CLVS1: variants seen among roughly 807,000 people sequenced by gnomAD.
CLVS1 encodes the protein clavesin-1.
In CLVS1, 10 loss-of-function variants were observed where a neutral mutation model predicts 33.1. That is an observed-to-expected ratio of 0.30 (90% CI 0.19 to 0.51). The LOEUF (loss-of-function observed/expected upper bound fraction) is 0.51, where lower values mean the gene tolerates loss of function less well. Ranked by LOEUF, CLVS1 falls within the 20% of genes least tolerant of loss-of-function variation. CLVS1 has a pLI of 0.97. For synonymous variants in CLVS1, 163 were observed against 166.1 expected, an observed-to-expected ratio of 0.98 and a Z score of 0.14; for missense variants, 343 against 433.4, an observed-to-expected ratio of 0.79 and a Z score of 1.85.
At position 61,232,023 on chromosome 8, in the gene CLVS1, G is replaced by GTTTGTTTGTTTGTTTGTTTGTTTT; in HGVS notation, c.-151-67651_-151-67650insGTTTGTTTGTTTGTTTGTTTTTTT. Reference sequence around the variant, plus strand: ...AGAAGGAGCCCTGAGGAAAGTTGTGGTTTTTTTTTTTTTTTTTTTTTTTTT... The same window carrying GTTTGTTTGTTTGTTTGTTTGTTTT: ...AGAAGGAGCCCTGAGGAAAGTTGTGGTTTGTTTGTTTGTTTGTTTGTTTTTTTTTTTTTTTTTTTTTTTTTTTTT... On this transcript the variant is annotated intron_variant, in intron 2 of 2. Coordinates refer to the CLVS1 transcript ENST00000522621. 1.4e-4 allele frequency among the ~76,000 whole-genome samples: 9 copies of GTTTGTTTGTTTGTTTGTTTGTTTT among 62,628 alleles called. 1 individual carries two copies. The highest frequency in any genetic ancestry group is 3.3e-4 in the African/African-American group (7 of 21,094). 41.1% of individuals were successfully genotyped at this position (62,628 alleles called of 152,430 possible).
chr8:61,396,211 T>C (rs1189887785), intron 3 of CLVS1, among the ~76,000 whole-genome samples: 1 of 152,210 alleles, frequency 6.6e-6, no homozygotes, highest in Non-Finnish European at 1.5e-5. Context: ...TTCTGCCTTG[T>C]CTAGGTTTGC....
intron 2 of CLVS1, among the ~76,000 whole-genome samples, chr8:61,148,408 C>T (rs945684962): frequency 2.6e-5 from 4 of 152,158 alleles, no homozygotes; most frequent in African/African-American, 9.7e-5. Context: ...CAATATTAAA[C>T]AGGTGGCCAG....
At chr8:60,998,716 A>G in the CLVS1 span, among the ~76,000 whole-genome samples, 1 of 152,152 alleles carries the variant, frequency 6.6e-6, no homozygotes, top group African/African-American at 2.4e-5. Context: ...TCTCAATTTA[A>G]AAAGGAAGAA....
At chr8:61,019,895 G>A in the CLVS1 span, among the ~76,000 whole-genome samples, 1 of 152,150 alleles carries the variant, frequency 6.6e-6, no homozygotes, top group Non-Finnish European at 1.5e-5. Context: ...CCTTGCTTCT[G>A]TGAGAGCTAA....
intron 2 of CLVS1, among the ~76,000 whole-genome samples, chr8:61,141,784 C>G (rs1001025869): frequency 6.6e-6 from 1 of 152,224 alleles, no homozygotes; most frequent in Non-Finnish European, 1.5e-5. Flanking sequence ...TGCCTCCACT[C>G]CCCAGCATAG....
the CLVS1 span, among the ~76,000 whole-genome samples, chr8:61,031,566 G>A: frequency 3.3e-5 from 5 of 152,298 alleles, no homozygotes; most frequent in Admixed American, 6.5e-5. Flanking sequence ...GAAAAGCATC[G>A]TTTTATTCCT....
At chr8:61,027,154 G>A in the CLVS1 span, among the ~76,000 whole-genome samples, 2 of 152,106 alleles carry the variant, frequency 1.3e-5, no homozygotes, top group East Asian at 3.9e-4. Flanking sequence ...ATGCATGAAG[G>A]AAATGAACAT....
intron 1 of CLVS1, among the ~76,000 whole-genome samples, chr8:61,123,228 C>T (rs1284608433): frequency 6.9e-6 from 1 of 144,020 alleles, no homozygotes; most frequent in African/African-American, 2.5e-5. Flanking sequence ...GAGATCGCAC[C>T]ATTGCACTCC....
At position 61,202,832 on chromosome 8, in the gene CLVS1, A is replaced by T. The variant is rs1413912902; in HGVS notation, c.-152+70972A>T. The T allele has an allele frequency of 3.9e-6, 4 of 1,028,456 alleles. No individual in the cohort carries two copies. In the East Asian group the frequency reaches 9.5e-5, roughly 24 times the overall value. The allele number at this position is 1,028,456 out of a possible 1,614,324, so 63.7% of individuals were successfully genotyped here. On this transcript the variant is annotated intron_variant, in intron 2 of 2. Coordinates refer to the CLVS1 transcript ENST00000522621. ...CAGAAAAAAGTAAAACTTGCTGCTG[A>T]TGAAGATGATGATGATGATGAAGAA...
intron 3 of CLVS1, among the ~76,000 whole-genome samples, chr8:61,402,093 G>T (rs4147446): frequency 0.59 from 88,984 of 151,872 alleles, 29,217 homozygotes; most frequent in Non-Finnish European, 0.73. Context: ...CAGACAGATG[G>T]ATGAATGTTG....
At chr8:61,203,852 C>T (rs1007918427) in intron 2 of CLVS1, among the ~76,000 whole-genome samples, 2 of 152,180 alleles carry the variant, frequency 1.3e-5, no homozygotes, top group African/African-American at 4.8e-5. Context: ...AAGCAAGGCA[C>T]ACAGTAGGGT....
chr8:61,009,268 C>G, the CLVS1 span, among the ~76,000 whole-genome samples: 3 of 152,094 alleles, frequency 2.0e-5, no homozygotes, highest in Non-Finnish European at 4.4e-5. Context: ...CCCACGTAGC[C>G]TCCTGAGTAG....
chr8:61,131,008 G>A lies in CLVS1; in HGVS notation c.-242-762G>A, dbSNP rs529872834. Among the ~76,000 whole-genome samples, 81 of 152,288 alleles carry A rather than the reference G, an allele frequency of 5.3e-4. 1 individual carries two copies. Among genetic ancestry groups the A allele is most frequent in the African/African-American group, 1.8e-3 (75 of 41,562 alleles). On this transcript the variant is annotated intron_variant, in intron 1 of 2. Coordinates refer to the CLVS1 transcript ENST00000522621. ...CCCATTTTAGACATGGATGTCACGG[G>A]CTCTTTTCTACTTCGAGGTTATTTT...
At chr8:61,186,336 T>C (rs1807343568) in intron 2 of CLVS1, among the ~76,000 whole-genome samples, 1 of 152,194 alleles carries the variant, frequency 6.6e-6, no homozygotes. Context: ...GGGCACATAA[T>C]GAAATAAAAA....
intron 5 of CLVS1, among the ~76,000 whole-genome samples, chr8:61,483,687 C>G (rs1803756760): frequency 6.6e-6 from 1 of 152,148 alleles, no homozygotes; most frequent in Non-Finnish European, 1.5e-5. Flanking sequence ...AACATTGATG[C>G]AAAAATCCTC....
intron 2 of CLVS1, among the ~76,000 whole-genome samples, chr8:61,327,948 T>A (rs1811444270): frequency 6.6e-6 from 1 of 152,204 alleles, no homozygotes; most frequent in African/African-American, 2.4e-5. Flanking sequence ...TCTAAAGACA[T>A]GCATTGTTTA....
At chr8:61,121,168 C>A (rs1805858262) in intron 1 of CLVS1, among the ~76,000 whole-genome samples, 1 of 151,918 alleles carries the variant, frequency 6.6e-6, no homozygotes, top group Non-Finnish European at 1.5e-5. Context: ...TTCTTTGACT[C>A]GGAAAGGGAA....
At chr8:61,463,179 G>A (rs1268183067) in intron 5 of CLVS1, among the ~76,000 whole-genome samples, 1 of 152,066 alleles carries the variant, frequency 6.6e-6, no homozygotes, top group African/African-American at 2.4e-5. Flanking sequence ...TTCTTCTACA[G>A]CTTCCTCACC....
intron 1 of CLVS1, among the ~76,000 whole-genome samples, chr8:61,065,985 G>T (rs914312548): frequency 6.6e-6 from 1 of 152,126 alleles, no homozygotes. Flanking sequence ...GTGAGACCTG[G>T]AACATAACAT....
Sources: allele counts gnomAD v4.1 joint callset (sites outside exome capture counted in the v4.1 genomes callset), GRCh38; gene constraint gnomAD v4.1.1; transcripts MANE v1.5; gene names NCBI Gene and HGNC (gene_info 2026-07-23, HGNC 2026-07-21).